ATP11A: variants seen among roughly 807,000 people sequenced by gnomAD.
ATP11A encodes the protein ATPase phospholipid transporting 11A, also known as phospholipid-transporting ATPase IH.
Under a neutral mutation model 154.4 loss-of-function variants are expected in ATP11A, and 81 were observed. The ratio of observed to expected loss-of-function variants is 0.52; its 90% CI spans 0.44 to 0.63. The LOEUF is 0.63. Ranked by LOEUF, ATP11A falls within the 30% of genes least tolerant of loss-of-function variation. The probability of loss-of-function intolerance (pLI) is 0.00; values close to 1 mark genes in which losing one functional copy is unlikely to be tolerated. For synonymous variants in ATP11A, 623 were observed against 585.9 expected (o/e 1.06, Z -0.91); for missense variants, 1,316 against 1,474.3 (o/e 0.89, Z 1.76).
intron 12 of ATP11A, among the ~76,000 whole-genome samples, chr13:112,827,496 G>A (rs2078963757): frequency 6.6e-6 from 1 of 152,188 alleles, no homozygotes; most frequent in South Asian, 2.1e-4. Context: ...CCCTGCCACC[G>A]CACCACCGGG....
intron 2 of ATP11A, among the ~76,000 whole-genome samples, chr13:112,798,785 T>C (rs1460589423): frequency 6.6e-6 from 1 of 152,076 alleles, no homozygotes; most frequent in African/African-American, 2.4e-5. Flanking sequence ...AAGAAAGGAA[T>C]AAAAGTCAGT....
Position 112,758,461 on chromosome 13 carries a change from T to C in ATP11A, c.40-26674T>C, listed in dbSNP as rs143555377. Among the ~76,000 whole-genome samples the C allele has an allele frequency of 1.8e-3, 272 of 149,780 alleles. 4 individuals are homozygous for C. In the East Asian group the frequency reaches 0.03, roughly 16 times the overall value. On this transcript the variant is annotated intron_variant, in intron 1 of 29. Transcript: ENST00000375645. ...TTTTTTGAGACAGAGTCTCTCTCTG[T>C]CGCCCAGGCTGGAGTGCAGTGGCAC...
Position 112,831,529 on chromosome 13 carries a change from C to T in ATP11A, c.1376C>T (p.Ser459Phe). Residue 459 changes from serine (S) to phenylalanine (F), a missense_variant, in exon 13 of 30, where the codon TCC becomes TTC. Coordinates refer to ENST00000375645, the MANE Select transcript of ATP11A (RefSeq NM_015205.3). ...TCAGGAATCGACATGATTGACTCGT[C>T]CCCCAGCGTCAACGGGAGGGTAGGT... is the stretch of plus-strand genomic sequence containing the variant. Reference protein sequence around the residue: ...ESSGIDMIDSSPSVNGREREE... With the variant: ...ESSGIDMIDSFPSVNGREREE... The T allele has an allele frequency of 6.2e-7, 1 of 1,614,124 alleles. No individual in the cohort carries two copies.
At chr13:112,748,758 G>A (rs780909384) in intron 1 of ATP11A, among the ~76,000 whole-genome samples, 1 of 152,160 alleles carries the variant, frequency 6.6e-6, no homozygotes, top group Non-Finnish European at 1.5e-5. Flanking sequence ...CAGAGATAAT[G>A]TAAAAAATGT....
At chr13:112,728,664 C>T (rs922228441) in intron 1 of ATP11A, among the ~76,000 whole-genome samples, 8 of 150,704 alleles carry the variant, frequency 5.3e-5, no homozygotes, top group Admixed American at 1.3e-4. Flanking sequence ...TCAGTATCCA[C>T]GCGTGGAGGG....
At position 112,738,781 on chromosome 13, in the gene ATP11A, C is replaced by T. The variant is rs1891250134; in HGVS notation, c.40-46354C>T. Among the ~76,000 whole-genome samples the T allele has an allele frequency of 2.0e-5, 3 of 149,954 alleles. No homozygotes were observed. In the East Asian group the frequency reaches 6.1e-4, roughly 30 times the overall value. ...TGTTGTTTTGCTCACTGTGGGATGA[C>T]TGTTCCCATAGAGGCTGTTTCTCCT... On this transcript the variant is annotated intron_variant, in intron 1 of 29. Coordinates refer to ENST00000375645, the MANE Select transcript of ATP11A (RefSeq NM_015205.3).
chr13:112,705,206 T>C, intron 1 of ATP11A, among the ~76,000 whole-genome samples: 1 of 151,912 alleles, frequency 6.6e-6, no homozygotes, highest in East Asian at 1.9e-4. Flanking sequence ...GCGACTGTCA[T>C]GGTGGCTGGA....
chr13:112,863,343 A>T (rs1430996625), intron 25 of ATP11A, among the ~76,000 whole-genome samples: 12 of 137,492 alleles, frequency 8.7e-5, no homozygotes, highest in Non-Finnish European at 1.4e-4. Flanking sequence ...AGCGGGGTCC[A>T]TCACCACCTG....
chr13:112,836,187 G>A lies in ATP11A; in HGVS notation c.1641G>A (p.Leu547=). The A allele has an allele frequency of 1.2e-6, 2 of 1,612,334 alleles. No homozygotes were observed. The highest frequency in any genetic ancestry group is 1.7e-6 in the Non-Finnish European group (2 of 1,178,784). The change falls in exon 16 of 30, where the codon TTG becomes TTA. Residue 547 remains leucine (L), a synonymous_variant. Coordinates refer to ENST00000375645, the MANE Select transcript of ATP11A (RefSeq NM_015205.3). ...TGCATTTCTCTTTCAGGTTTGAATT[G>A]CTGGAAATTTTGAGTTTTGACTCAG... The part of the protein sequence containing the change: ...NRENHIERFE[L]LEILSFDSVR...
In ATP11A at chr13:112,753,194, G is replaced by A. The variant is rs1199353693; in HGVS notation, c.40-31941G>A. 6.6e-6 allele frequency among the ~76,000 whole-genome samples: 1 copy of A among 152,186 alleles called. No homozygotes were observed. The highest frequency in any genetic ancestry group is 1.5e-5 in the Non-Finnish European group (1 of 68,038). ...TTATGTGGATGGCGTGCATGTGTCT[G>A]CACAGCTGCGTGATGTTCCCCTGTG... On this transcript the variant is annotated intron_variant, in intron 1 of 29. Transcript: ENST00000375645. This position sits in a 1 kb window ranked among gnomAD's most constrained non-coding sequence, Gnocchi z 4.1.
intron 11 of ATP11A, 139 bp downstream of exon 11, chr13:112,825,719 C>T: frequency 9.8e-7 from 1 of 1,015,586 alleles, no homozygotes; most frequent in Non-Finnish European, 1.4e-6. Flanking sequence ...GTGATAGATG[C>T]ATTCACTGAA....
intron 1 of ATP11A, among the ~76,000 whole-genome samples, chr13:112,734,637 A>T (rs190029191): frequency 6.6e-6 from 1 of 152,140 alleles, no homozygotes; most frequent in Non-Finnish European, 1.5e-5. Flanking sequence ...ATGCTTTCAC[A>T]CTCCTGTACT....
chr13:112,819,627 C>T (rs569827532), intron 7 of ATP11A, among the ~76,000 whole-genome samples: 30 of 152,150 alleles, frequency 2.0e-4, no homozygotes, highest in African/African-American at 6.5e-4. Flanking sequence ...GAAGTGGCTT[C>T]GTGGAACCAT....
intron 17 of ATP11A, among the ~76,000 whole-genome samples, chr13:112,842,772 G>A (rs896199998): frequency 3.3e-5 from 5 of 152,232 alleles, no homozygotes; most frequent in Admixed American, 6.5e-5. Flanking sequence ...CAGCACTTTC[G>A]TTTTCTGTTG....
chr13:112,760,808 C>T (rs17121623), intron 1 of ATP11A, among the ~76,000 whole-genome samples: 8,043 of 152,166 alleles, frequency 0.053, 734 homozygotes, highest in African/African-American at 0.18. Context: ...CACAGTGGCC[C>T]GGGAAGAATC....
chr13:112,803,052 G>A lies in ATP11A; in HGVS notation c.163-1905G>A, dbSNP rs181925928. ...TGAGATGGGAACTGAAAATATGGCC[G>A]TAGTTGTCATGAACTGGGGGGAGCC... On this transcript the variant is annotated intron_variant, in intron 2 of 29. Coordinates refer to ENST00000375645, the MANE Select transcript of ATP11A (RefSeq NM_015205.3). Among the ~76,000 whole-genome samples, 44 of 152,278 alleles carry A rather than the reference G, an allele frequency of 2.9e-4. No individual in the cohort carries two copies. In the East Asian group the frequency reaches 3.3e-3, roughly 11 times the overall value.
chr13:112,774,966 A>T (rs370627909), intron 1 of ATP11A, among the ~76,000 whole-genome samples: 69 of 152,230 alleles, frequency 4.5e-4, no homozygotes, highest in African/African-American at 1.6e-3. Flanking sequence ...GACCCTGGGG[A>T]ATGGAGGCTT....
rs77952785 is a variant in ATP11A at position 112,724,063 on chromosome 13, C to T, written c.39+33608C>T. Among the ~76,000 whole-genome samples, 828 of 151,674 alleles carry T rather than the reference C, an allele frequency of 5.5e-3. 7 individuals carry two copies. The highest frequency in any genetic ancestry group is 0.019 in the African/African-American group (796 of 41,274). On this transcript the variant is annotated intron_variant, in intron 1 of 29. Transcript: ENST00000375645. The stretch of plus-strand genomic sequence containing the variant: ...CATCCCTGCCCACACCTCTCACCAG[C>T]GCCCACTGCCTGGGTGTGGACCAGC...
At chr13:112,793,493 G>A (rs973510728) in intron 2 of ATP11A, among the ~76,000 whole-genome samples, 10 of 152,282 alleles carry the variant, frequency 6.6e-5, no homozygotes, top group Non-Finnish European at 1.2e-4. Context: ...GTGAGTCGCC[G>A]CGCCCATCCA....
Sources: allele counts gnomAD v4.1 joint callset (sites outside exome capture counted in the v4.1 genomes callset), GRCh38; gene constraint gnomAD v4.1.1; non-coding constraint Gnocchi (gnomAD v3.1); transcripts MANE v1.5; gene names NCBI Gene and HGNC (gene_info 2026-07-23, HGNC 2026-07-21).